WDFY4: variants seen among roughly 807,000 people sequenced by gnomAD.
The protein encoded by WDFY4 is WD repeat- and FYVE domain-containing protein 4.
Under a neutral mutation model 351.9 loss-of-function variants are expected in WDFY4, and 169 were observed. That is an observed-to-expected ratio of 0.48 (90% CI 0.42 to 0.55). WDFY4 has a LOEUF of 0.55. WDFY4 is among the 20% of genes least tolerant of loss of function. The probability of loss-of-function intolerance (pLI) is 0.00; values close to 1 mark genes in which losing one functional copy is unlikely to be tolerated. For missense variants in WDFY4, 3,803 were observed against 3,935.6 expected, an observed-to-expected ratio of 0.97 and a Z score of 0.90; for synonymous variants, 1,622 against 1,574.6, an observed-to-expected ratio of 1.03 and a Z score of -0.71.
intron 4 of WDFY4, among the ~76,000 whole-genome samples, chr10:48,721,610 T>A (rs1290971800): frequency 6.6e-6 from 1 of 152,194 alleles, no homozygotes; most frequent in Non-Finnish European, 1.5e-5. Context: ...GCCCCTTGGT[T>A]GCATTTCTAA....
chr10:48,822,549 T>C lies in WDFY4; in HGVS notation c.5982+12T>C. On this transcript the variant is annotated intron_variant, in intron 35 of 61. Transcript: ENST00000325239. ...AGCACATCATGGTGGTAAGAGCTGC[T>C]CACTGACCGGGTATCTGTGTGGATC... 1.3e-6 allele frequency: 2 copies of C among 1,522,090 alleles called. No individual in the cohort carries two copies. The highest frequency in any genetic ancestry group is 2.5e-5 in the East Asian group (1 of 40,240). 94.3% of individuals were successfully genotyped at this position (1,522,090 alleles called of 1,614,324 possible). A position where few individuals can be genotyped will look rare whatever the true frequency, so the allele number is the denominator to read the frequency against.
chr10:48,963,033 G>A (rs74635252), intron 53 of WDFY4, among the ~76,000 whole-genome samples: 4,700 of 152,342 alleles, frequency 0.031, 75 homozygotes, highest in Middle Eastern at 0.079. Flanking sequence ...CAGTAACTGA[G>A]TGAAGTGAGA....
intron 38 of WDFY4, 114 bp downstream of exon 38, chr10:48,830,999 C>A: frequency 1.0e-6 from 1 of 1,000,584 alleles, no homozygotes; most frequent in South Asian, 1.8e-5. Context: ...TCTGTCTCAT[C>A]CCTTAAGTGG....
At chr10:48,691,211 G>C (rs916539530) in intron 1 of WDFY4, among the ~76,000 whole-genome samples, 1 of 152,096 alleles carries the variant, frequency 6.6e-6, no homozygotes, top group African/African-American at 2.4e-5. Flanking sequence ...GCTAATCAAG[G>C]GTCCGGGCTG....
At chr10:48,787,942 CT>C (rs1565199081) in intron 20 of WDFY4, among the ~76,000 whole-genome samples, 1,796 of 104,476 alleles carry the variant, frequency 0.017, 70 homozygotes, top group Admixed American at 0.053. Context: ...TCTTCTTCTT[CT>C]TCTTCTTCTT....
rs559332776 is a variant in WDFY4, at chr10:48,755,020, C to T, written c.2460-5327C>T. ...TTCATGTGTAGAGTCACACGACTAC[C>T]ACCACAATCAAGAAACAGAACAGTC... On this transcript the variant is annotated intron_variant, in intron 12 of 61. Transcript: ENST00000325239. 4.6e-5 allele frequency among the ~76,000 whole-genome samples: 7 copies of T among 152,198 alleles called. No individual in the cohort carries two copies. In the East Asian group the frequency reaches 9.6e-4, roughly 21 times the overall value.
At chr10:48,755,450 G>A (rs765192416) in intron 12 of WDFY4, among the ~76,000 whole-genome samples, 20 of 152,016 alleles carry the variant, frequency 1.3e-4, no homozygotes, top group Non-Finnish European at 2.5e-4. Context: ...TTTGCCTGAC[G>A]GCCATGAAGA....
In WDFY4 at chr10:48,735,949, C is replaced by T. The variant is rs922801653; in HGVS notation, c.1757C>T (p.Ala586Val). Residue 586 changes from alanine to valine, a missense_variant, in exon 11 of 62, where the codon GCC becomes GTC. Around this residue, in one of 3 missense-constraint regions of WDFY4, gnomAD observed 261 missense variants for 330.2 expected, o/e 0.79. Coordinates refer to ENST00000325239, the MANE Select transcript of WDFY4 (RefSeq NM_001394531.1). Reference protein sequence around the residue: ...IFLDDECYREASLSILEQLSA... With the variant: ...IFLDDECYREVSLSILEQLSA... ...CTGGATGACGAGTGCTACCGGGAGG[C>T]CTCGCTCAGCATCTTGGAGCAGCTC... The T allele has an allele frequency of 1.3e-6, 2 of 1,551,752 alleles. No individual in the cohort carries two copies. Among genetic ancestry groups the T allele is most frequent in the African/African-American group, 2.7e-5 (2 of 73,144 alleles).
Position 48,800,730 on chromosome 10 carries a change from C to T in WDFY4, c.4411-2556C>T, listed in dbSNP as rs200164770. Among the ~76,000 whole-genome samples the T allele has an allele frequency of 5.1e-3, 473 of 92,526 alleles. 1 individual carries two copies. The highest frequency in any genetic ancestry group is 9.9e-3 in the African/African-American group (208 of 21,074). The allele number at this position is 92,526 out of a possible 152,430, so 60.7% of individuals were successfully genotyped here. A position where few individuals can be genotyped will look rare whatever the true frequency, so the allele number is the denominator to read the frequency against. On this transcript the variant is annotated intron_variant, in intron 24 of 61. Coordinates refer to ENST00000325239, the MANE Select transcript of WDFY4 (RefSeq NM_001394531.1). Reference sequence around the variant, plus strand: ...TCTTTCTTTCTTTCTTTCATTCTTTCTTTTTTTTTTTTTTTGTTTTGAGAT... The same window carrying T: ...TCTTTCTTTCTTTCTTTCATTCTTTTTTTTTTTTTTTTTTTGTTTTGAGAT...
intron 61 of WDFY4, 108 bp from the exon 62 acceptor site, chr10:48,982,400 AG>A: frequency 1.0e-6 from 1 of 957,200 alleles, no homozygotes; most frequent in Non-Finnish European, 1.5e-6. Flanking sequence ...ACCAGGGGCA[AG>A]CTCCGCTGGG....
At chr10:48,840,403 GAC>G (rs1186620482) in intron 39 of WDFY4, among the ~76,000 whole-genome samples, 2 of 134,678 alleles carry the variant, frequency 1.5e-5, no homozygotes, top group East Asian at 2.3e-4. Flanking sequence ...CTCTTCCCTT[GAC>G]ACACACACAC....
chr10:48,705,491 G>T (rs909949757), intron 1 of WDFY4, among the ~76,000 whole-genome samples: 1 of 152,038 alleles, frequency 6.6e-6, no homozygotes, highest in Non-Finnish European at 1.5e-5. Flanking sequence ...AGAATGAGAC[G>T]GATGAGAGTG....
intron 47 of WDFY4, among the ~76,000 whole-genome samples, chr10:48,929,457 A>G (rs1877802): frequency 0.96 from 145,786 of 152,220 alleles, 70,095 homozygotes; most frequent in East Asian, 1. Context: ...GAAATAGCCC[A>G]GCATGGGAGG....
chr10:48,845,758 A>G (rs1045202492), intron 39 of WDFY4, among the ~76,000 whole-genome samples: 16 of 152,244 alleles, frequency 1.1e-4, no homozygotes, highest in Admixed American at 1.0e-3. Context: ...AAATAAGGAA[A>G]TGAGATCAGG....
intron 37 of WDFY4, among the ~76,000 whole-genome samples, chr10:48,829,370 G>A (rs1014387031): frequency 6.6e-6 from 1 of 152,182 alleles, no homozygotes; most frequent in East Asian, 1.9e-4. Context: ...GCCTAATGGA[G>A]TTTATTCTTG....
Position 48,970,284 on chromosome 10 carries a change from CG to C in WDFY4, c.8925del (p.Gln2976ArgfsTer23). The stretch of plus-strand genomic sequence containing the variant: ...AGGCCGCCCGAGGGGCTTGCGCCTC[CG>C]GCAGGTATGGTCCAGCTCGTGCAGG... The part of the protein sequence containing the change: ...TKGRPRGLRL[R>X]QALYGHTQAV... On this transcript the variant is annotated frameshift_variant, in exon 57 of 62. Transcript: ENST00000325239. LOFTEE classifies it high-confidence loss of function. The C allele has an allele frequency of 1.3e-6, 2 of 1,550,526 alleles. No homozygotes were observed. The highest frequency in any genetic ancestry group is 1.7e-6 in the Non-Finnish European group (2 of 1,146,982).
chr10:48,800,730 C>CT (rs57288777), intron 24 of WDFY4, among the ~76,000 whole-genome samples: 21,524 of 92,614 alleles, frequency 0.23, 3,552 homozygotes, highest in East Asian at 0.66. Flanking sequence ...TTCATTCTTT[C>CT]TTTTTTTTTT....
chr10:48,920,538 A>ATT (rs1838977331), intron 47 of WDFY4, among the ~76,000 whole-genome samples: 2 of 151,818 alleles, frequency 1.3e-5, no homozygotes, highest in Admixed American at 1.3e-4. Context: ...GAAAAAAAAG[A>ATT]AAAAAAAAGC....
chr10:48,835,807 T>C (rs2068370508), intron 39 of WDFY4, among the ~76,000 whole-genome samples: 2 of 152,218 alleles, frequency 1.3e-5, no homozygotes. Flanking sequence ...ACACTTTAAA[T>C]TATCTTGTAG....
Sources: allele counts gnomAD v4.1 joint callset (sites outside exome capture counted in the v4.1 genomes callset), GRCh38; gene constraint gnomAD v4.1.1; regional missense constraint gnomAD v4.1.1; transcripts MANE v1.5; gene names NCBI Gene and HGNC (gene_info 2026-07-23, HGNC 2026-07-21).